KCNQ1: variants seen among roughly 807,000 people sequenced by gnomAD.
KCNQ1 encodes potassium voltage-gated channel subfamily Q member 1.
Under a neutral mutation model 72.4 loss-of-function variants are expected in KCNQ1, and 49 were observed. The ratio of observed to expected loss-of-function variants is 0.68; its 90% CI spans 0.54 to 0.86. The LOEUF is 0.86. Among genes scored for constraint, KCNQ1 ranks in the 40% least tolerant of loss-of-function variants. The pLI is 0.00. For synonymous variants in KCNQ1, 450 were observed against 412.6 expected (o/e 1.09, Z -1.10); for missense variants, 790 against 945.1 (o/e 0.84, Z 2.15).
In KCNQ1 at chr11:2,647,302, T is replaced by C. The variant is rs1849681530; in HGVS notation, c.1394-14659T>C. 2.5e-6 allele frequency: 1 copy of C among 398,468 alleles called. No individual in the cohort carries two copies. The highest frequency in any genetic ancestry group is 1.3e-4 in the South Asian group (1 of 7,838). The allele number at this position is 398,468 out of a possible 1,614,324, so 24.7% of individuals were successfully genotyped here. On this transcript the variant is annotated intron_variant, in intron 10 of 15. Transcript: ENST00000155840. This position sits in a 1 kb window ranked among gnomAD's most constrained non-coding sequence, Gnocchi z 4.0. ...TTATTGATTTGTATATGTTGAACCA[T>C]CCTTGAATCCCTGGGATAAATCCCA... is the stretch of plus-strand genomic sequence containing the variant.
Position 2,735,550 on chromosome 11 carries a change from C to A in KCNQ1, c.1515-33294C>A, listed in dbSNP as rs1845942543. Reference sequence around the variant, plus strand: ...AGGCATCCTAGGGCCTGGCCCACCACCCTCTCCCTCCTCACCATTTTCTGT... The same window carrying A: ...AGGCATCCTAGGGCCTGGCCCACCAACCTCTCCCTCCTCACCATTTTCTGT... On this transcript the variant is annotated intron_variant, in intron 11 of 15. Transcript: ENST00000155840. This position sits in a 1 kb window ranked among gnomAD's most constrained non-coding sequence, Gnocchi z 7.7. 1.3e-5 allele frequency among the ~76,000 whole-genome samples: 2 copies of A among 152,192 alleles called. No individual in the cohort carries two copies. Among genetic ancestry groups the A allele is most frequent in the South Asian group, 4.1e-4 (2 of 4,830 alleles).
chr11:2,773,749 A>G (rs1242472185), intron 12 of KCNQ1, among the ~76,000 whole-genome samples: 1 of 135,716 alleles, frequency 7.4e-6, no homozygotes, highest in Non-Finnish European at 1.6e-5. Context: ...AGGGCTCAAT[A>G]TCCCATCTTA....
At chr11:2,770,785 G>A (rs113769618) in intron 12 of KCNQ1, among the ~76,000 whole-genome samples, 3,548 of 152,370 alleles carry the variant, frequency 0.023, 149 homozygotes, top group African/African-American at 0.08. Context: ...TCTGGTGCTG[G>A]CATGGAGGGC....
intron 1 of KCNQ1, among the ~76,000 whole-genome samples, chr11:2,503,934 A>G (rs1847058703): frequency 1.3e-5 from 2 of 152,158 alleles, no homozygotes; most frequent in Non-Finnish European, 2.9e-5. Flanking sequence ...GGTTCCTCAA[A>G]ACTAAAAATA....
intron 6 of KCNQ1, among the ~76,000 whole-genome samples, chr11:2,582,537 C>T (rs1055215117): frequency 2.0e-5 from 3 of 152,228 alleles, no homozygotes; most frequent in Admixed American, 6.5e-5. Flanking sequence ...AGCCCCAAGC[C>T]GGTAAATGCT....
At position 2,624,500 on chromosome 11, in the gene KCNQ1, A is replaced by T. The variant is rs190856821; in HGVS notation, c.1393+35646A>T. 1.7e-4 allele frequency: 69 copies of T among 398,490 alleles called. 1 individual carries two copies. Among genetic ancestry groups the T allele is most frequent in the East Asian group, 1.2e-3 (34 of 28,050 alleles). 24.7% of individuals were successfully genotyped at this position (398,490 alleles called of 1,614,324 possible). ...CTAAAAAGCCATCACCAAACTAAAG[A>T]TCATCTAGATTTCTTCCTATGTTAT... On this transcript the variant is annotated intron_variant, in intron 10 of 15. Transcript: ENST00000155840. The surrounding 1 kb of genome is among the most constrained non-coding windows in gnomAD (Gnocchi z 4.9).
intron 11 of KCNQ1, among the ~76,000 whole-genome samples, chr11:2,757,938 T>A (rs1325340151): frequency 2.2e-5 from 3 of 136,246 alleles, no homozygotes; most frequent in Non-Finnish European, 4.6e-5. Flanking sequence ...GACTTAAATA[T>A]GAAGTGTACA....
chr11:2,721,938 C>T (rs938210398), intron 11 of KCNQ1, among the ~76,000 whole-genome samples: 1 of 152,232 alleles, frequency 6.6e-6, no homozygotes, highest in Non-Finnish European at 1.5e-5. Flanking sequence ...GACCCAACTC[C>T]ACTGCCTGGG....
rs1243106101 is a variant in KCNQ1, at chr11:2,647,862, T to C, written c.1394-14099T>C. ...GTCTCCTTTTTCATTTCTGATTTTA[T>C]TTATTGGGTCTTCTTGGTTAGTCTA... On this transcript the variant is annotated intron_variant, in intron 10 of 15. Transcript: ENST00000155840. This position sits in a 1 kb window ranked among gnomAD's most constrained non-coding sequence, Gnocchi z 4.0. 5.0e-6 allele frequency: 2 copies of C among 398,438 alleles called. No homozygotes were observed. Among genetic ancestry groups the C allele is most frequent in the Non-Finnish European group, 8.8e-6 (2 of 226,060 alleles). 24.7% of individuals were successfully genotyped at this position (398,438 alleles called of 1,614,324 possible).
In KCNQ1 at chr11:2,464,892, C is replaced by T. The variant is rs934780307; in HGVS notation, c.386+19408C>T. Among the ~76,000 whole-genome samples, 2 of 152,180 alleles carry T rather than the reference C, an allele frequency of 1.3e-5. No individual in the cohort carries two copies. On this transcript the variant is annotated intron_variant, in intron 1 of 15. Transcript: ENST00000155840. This position sits in a 1 kb window ranked among gnomAD's most constrained non-coding sequence, Gnocchi z 5.0. ...CTGTGTGTTAAGGTAGTTCAAAGTC[C>T]TCCTGCCCGAGGAAGTAAGACAGCA... is the stretch of plus-strand genomic sequence containing the variant.
chr11:2,572,750 C>G lies in KCNQ1; in HGVS notation c.781-96C>G, dbSNP rs543850965. On this transcript the variant is annotated intron_variant, in intron 5 of 15. Transcript: ENST00000155840. ...AACCGCGCTGGAGCGGCGTAGGACG[C>G]CCAGTGATCGCTGGGACTCGCTGCC... 3.5e-5 allele frequency: 53 copies of G among 1,535,966 alleles called. No homozygotes were observed. In the African/African-American group the frequency reaches 7.1e-4, roughly 21 times the overall value.
chr11:2,835,142 C>A (rs2134073922), intron 15 of KCNQ1, among the ~76,000 whole-genome samples: 1 of 152,322 alleles, frequency 6.6e-6, no homozygotes, highest in African/African-American at 2.4e-5. Flanking sequence ...CCGGCCCTGG[C>A]TGAGTCATGG....
chr11:2,742,248 C>A (rs990194611), intron 11 of KCNQ1, among the ~76,000 whole-genome samples: 3 of 152,224 alleles, frequency 2.0e-5, no homozygotes, highest in African/African-American at 7.2e-5. Flanking sequence ...GTGGTGCTGG[C>A]CAGAATCAGC....
intron 10 of KCNQ1, chr11:2,628,808 G>C: frequency 2.5e-6 from 1 of 398,268 alleles, no homozygotes; most frequent in African/African-American, 2.1e-5. Context: ...GTAGGGTAAG[G>C]TTCCAATTTA....
chr11:2,587,564 C>A lies in KCNQ1; in HGVS notation c.1129-6C>A. The stretch of plus-strand genomic sequence containing the variant: ...GGTGACAGCCTGTCCCCCTGCCCGA[C>A]CTCAGACCGCATGGAGGTGCTATGC... On this transcript the variant is annotated splice_polypyrimidine_tract_variant and splice_region_variant and intron_variant, in intron 8 of 15. Coordinates refer to ENST00000155840, the MANE Select transcript of KCNQ1 (RefSeq NM_000218.3). 1 of 1,613,692 alleles carries A rather than the reference C, an allele frequency of 6.2e-7. No homozygotes were observed. The highest frequency in any genetic ancestry group is 2.2e-5 in the East Asian group (1 of 44,872).
In KCNQ1 at chr11:2,462,419, G is replaced by A. The variant is rs575614776; in HGVS notation, c.386+16935G>A. Among the ~76,000 whole-genome samples, 3 of 152,292 alleles carry A rather than the reference G, an allele frequency of 2.0e-5. No homozygotes were observed. Among genetic ancestry groups the A allele is most frequent in the African/African-American group, 7.2e-5 (3 of 41,570 alleles). On this transcript the variant is annotated intron_variant, in intron 1 of 15. Transcript: ENST00000155840. The surrounding 1 kb of genome is among the most constrained non-coding windows in gnomAD (Gnocchi z 8.2). The stretch of plus-strand genomic sequence containing the variant: ...TGACACCTGCCTGGGGGCTCCCGGC[G>A]AAGGCCGCTGGTTTCTAGAATGCAC...
intron 10 of KCNQ1, chr11:2,632,014 C>G: frequency 2.5e-6 from 1 of 396,040 alleles, no homozygotes; most frequent in Non-Finnish European, 4.4e-6. Context: ...AACCCCATCT[C>G]TACTAAAAAT....
At position 2,664,539 on chromosome 11, in the gene KCNQ1, G is replaced by A. The variant is rs780836463; in HGVS notation, c.1514+2458G>A. ...TTCCTCAGGGCCCAAACCGCCTGGC[G>A]GCAGGGGTGTGGGGGCCGTGCAGGT... On this transcript the variant is annotated intron_variant, in intron 11 of 15. Transcript: ENST00000155840. The surrounding 1 kb of genome is among the most constrained non-coding windows in gnomAD (Gnocchi z 5.1). The A allele has an allele frequency of 4.5e-5, 18 of 398,634 alleles. No individual in the cohort carries two copies. Among genetic ancestry groups the A allele is most frequent in the South Asian group, 1.3e-4 (1 of 7,864 alleles). The allele number at this position is 398,634 out of a possible 1,614,324, so 24.7% of individuals were successfully genotyped here.
rs1310111777 is a variant in KCNQ1 at position 2,735,093 on chromosome 11, C to T, written c.1515-33751C>T. Among the ~76,000 whole-genome samples, 3 of 152,156 alleles carry T rather than the reference C, an allele frequency of 2.0e-5. No homozygotes were observed. Among genetic ancestry groups the T allele is most frequent in the African/African-American group, 7.2e-5 (3 of 41,428 alleles). On this transcript the variant is annotated intron_variant, in intron 11 of 15. Transcript: ENST00000155840. This position sits in a 1 kb window ranked among gnomAD's most constrained non-coding sequence, Gnocchi z 7.7. ...TCATCACCTGTGCCGTGGCTGTCAGCGCGCATCTGGCTTACATTGAACTCC... is the reference window on the plus strand; with the variant it reads ...TCATCACCTGTGCCGTGGCTGTCAGTGCGCATCTGGCTTACATTGAACTCC...
Sources: allele counts gnomAD v4.1 joint callset (sites outside exome capture counted in the v4.1 genomes callset), GRCh38; gene constraint gnomAD v4.1.1; non-coding constraint Gnocchi (gnomAD v3.1); transcripts MANE v1.5; gene names NCBI Gene and HGNC (gene_info 2026-07-23, HGNC 2026-07-21).